Variants in EIF4E3 observed in about 807,000 individuals in gnomAD.
EIF4E3 encodes eukaryotic translation initiation factor 4E family member 3.
In EIF4E3, 26 loss-of-function variants were observed where a neutral mutation model predicts 31.7. The observed-to-expected ratio is 0.82, with a 90% CI of 0.60 to 1.14. The LOEUF (loss-of-function observed/expected upper bound fraction) is 1.14. Ranked by LOEUF, EIF4E3 falls within the 50% of genes most tolerant of loss-of-function variation. EIF4E3 has a pLI of 0.00. For missense variants in EIF4E3, 304 were observed against 270.9 expected (o/e 1.12, Z -0.86); for synonymous variants, 128 against 107.7 (o/e 1.19, Z -1.17).
intron 1 of EIF4E3, among the ~76,000 whole-genome samples, chr3:71,730,839 C>T (rs2049698624): frequency 6.6e-6 from 1 of 152,066 alleles, no homozygotes; most frequent in Non-Finnish European, 1.5e-5. Flanking sequence ...AAGCAATCCT[C>T]CCATCTCAGC....
At chr3:71,699,853 A>G in intron 2 of EIF4E3, 145 bp from the exon 3 acceptor site, 2 of 655,330 alleles carry the variant, frequency 3.1e-6, no homozygotes, top group Non-Finnish European at 5.1e-6. Flanking sequence ...TATCCCTTCT[A>G]ATTCTCTGTT....
intron 6 of EIF4E3, among the ~76,000 whole-genome samples, chr3:71,687,254 G>A (rs1476997416): frequency 6.6e-6 from 1 of 151,964 alleles, no homozygotes. Context: ...TGCCTGCCTC[G>A]GCCTCCCAAA....
At chr3:71,668,890 A>G in the EIF4E3 span, among the ~76,000 whole-genome samples, 1 of 152,230 alleles carries the variant, frequency 6.6e-6, no homozygotes, top group Admixed American at 6.5e-5. Context: ...CAATCCCATT[A>G]CTAGGTATAT....
intron 2 of EIF4E3, among the ~76,000 whole-genome samples, chr3:71,709,417 T>C (rs2049343006): frequency 6.6e-6 from 1 of 152,206 alleles, no homozygotes; most frequent in South Asian, 2.1e-4. Context: ...TCTTGCTCTG[T>C]TGCCCAGGCT....
intron 4 of EIF4E3, among the ~76,000 whole-genome samples, chr3:71,695,717 C>G (rs561532935): frequency 8.5e-4 from 129 of 152,302 alleles, no homozygotes; most frequent in Non-Finnish European, 1.4e-3. Context: ...GGAGACATTT[C>G]AGTTCTTTGA....
chr3:71,719,309 C>T (rs1007503945), intron 1 of EIF4E3, among the ~76,000 whole-genome samples: 1 of 152,148 alleles, frequency 6.6e-6, no homozygotes, highest in African/African-American at 2.4e-5. Context: ...AGCAGTAACT[C>T]TCAAGTTTGG....
At chr3:71,736,334 A>C (rs929522182) in intron 1 of EIF4E3, among the ~76,000 whole-genome samples, 2 of 152,200 alleles carry the variant, frequency 1.3e-5, no homozygotes, top group Non-Finnish European at 2.9e-5. Flanking sequence ...ATTTACGTCC[A>C]CACAAAAACC....
intron 2 of EIF4E3, among the ~76,000 whole-genome samples, chr3:71,708,907 T>C (rs1559599852): frequency 6.6e-6 from 1 of 152,180 alleles, no homozygotes; most frequent in Non-Finnish European, 1.5e-5. Flanking sequence ...ACTGCTGCTC[T>C]GCTTCCCACA....
chr3:71,741,293 C>G (rs572758050), intron 1 of EIF4E3, among the ~76,000 whole-genome samples: 1 of 152,068 alleles, frequency 6.6e-6, no homozygotes, highest in South Asian at 2.1e-4. Context: ...TGAGCATATC[C>G]TACAATGAAA....
chr3:71,699,560 G>T, intron 3 of EIF4E3, 54 bp downstream of exon 3: 1 of 1,472,272 alleles, frequency 6.8e-7, no homozygotes, highest in Non-Finnish European at 9.5e-7. Flanking sequence ...CTTTTATGAG[G>T]TTCACAAACA....
At chr3:71,715,163 AC>A (rs1265651998) in intron 1 of EIF4E3, among the ~76,000 whole-genome samples, 2 of 152,204 alleles carry the variant, frequency 1.3e-5, no homozygotes, top group Admixed American at 6.5e-5. Flanking sequence ...GTAGAAGCCA[AC>A]GGTGCTGCTG....
chr3:71,692,558 A>G (rs2049077158), intron 5 of EIF4E3, among the ~76,000 whole-genome samples: 1 of 151,770 alleles, frequency 6.6e-6, no homozygotes, highest in South Asian at 2.1e-4. Flanking sequence ...AAACAGAAGG[A>G]ATCTGTACTT....
intron 1 of EIF4E3, among the ~76,000 whole-genome samples, chr3:71,750,820 G>A (rs1205894646): frequency 6.6e-6 from 1 of 150,880 alleles, no homozygotes; most frequent in Non-Finnish European, 1.5e-5. Context: ...CTGAAGTGCA[G>A]TGACACGATT....
At chr3:71,704,880 T>C (rs578050471) in intron 2 of EIF4E3, among the ~76,000 whole-genome samples, 1 of 152,320 alleles carries the variant, frequency 6.6e-6, no homozygotes, top group African/African-American at 2.4e-5. Flanking sequence ...CCACTGAGAA[T>C]GTGGAGGAAT....
chr3:71,737,768 AAAACAAAC>A (rs572309367), intron 1 of EIF4E3, among the ~76,000 whole-genome samples: 11 of 152,024 alleles, frequency 7.2e-5, no homozygotes, highest in African/African-American at 2.2e-4. Context: ...TCTCTACCAA[AAAACAAAC>A]AAACAAACAA....
At chr3:71,700,326 G>A (rs2049197897) in intron 2 of EIF4E3, among the ~76,000 whole-genome samples, 3 of 152,202 alleles carry the variant, frequency 2.0e-5, no homozygotes, top group Admixed American at 2.0e-4. Flanking sequence ...CTTTGCTAAT[G>A]ATTTTTCTGG....
In EIF4E3 at chr3:71,682,647, G is replaced by A. The variant is rs1455713901; in HGVS notation, c.*2035C>T. 1 of 152,588 alleles carries A rather than the reference G, an allele frequency of 6.6e-6. No individual in the cohort carries two copies. The highest frequency in any genetic ancestry group is 2.4e-5 in the African/African-American group (1 of 41,434). The allele number at this position is 152,588 out of a possible 1,614,324, so 9.5% of individuals were successfully genotyped here. On this transcript the variant is annotated 3_prime_UTR_variant, in exon 7 of 7. Coordinates refer to ENST00000425534, the MANE Select transcript of EIF4E3 (RefSeq NM_001134651.2). ...ATTTTCTAAAGGGTCAGAAACAGTTGCAGAAGTTCACTGGGGCAAAAATCT... is the reference window on the plus strand; with the variant it reads ...ATTTTCTAAAGGGTCAGAAACAGTTACAGAAGTTCACTGGGGCAAAAATCT...
intron 1 of EIF4E3, among the ~76,000 whole-genome samples, chr3:71,722,085 CT>C (rs2108113254): frequency 1.1e-5 from 1 of 88,752 alleles, no homozygotes; most frequent in African/African-American, 5.4e-5. Flanking sequence ...AGCCCTTTGG[CT>C]TTTCCTCGGG....
the EIF4E3 span, among the ~76,000 whole-genome samples, chr3:71,667,948 C>G: frequency 6.6e-6 from 1 of 152,122 alleles, no homozygotes; most frequent in Non-Finnish European, 1.5e-5. Context: ...ATAGTCAAGA[C>G]AATCCTAAAC....
Sources: gnomAD v4.1 joint callset for allele counts (sites outside exome capture counted in the v4.1 genomes callset) on GRCh38, gnomAD v4.1.1 for gene constraint, MANE v1.5 for transcripts, NCBI Gene and HGNC (gene_info 2026-07-23, HGNC 2026-07-21) for gene names.